The following TUB variants were observed in gnomAD, a reference collection of about 807,000 sequenced individuals.
TUB encodes TUB bipartite transcription factor.
A neutral mutation model predicts 59.7 loss-of-function variants in TUB; 33 were observed. The observed-to-expected ratio is 0.55, with a 90% CI of 0.42 to 0.74. The LOEUF (loss-of-function observed/expected upper bound fraction) is 0.74. Ranked by LOEUF, TUB falls within the 30% of genes least tolerant of loss-of-function variation. The probability of loss-of-function intolerance (pLI) is 0.00; values close to 1 mark genes in which losing one functional copy is unlikely to be tolerated. For missense variants in TUB, 659 were observed against 672.0 expected (o/e 0.98, Z 0.21); for synonymous variants, 293 against 256.4 (o/e 1.14, Z -1.36).
chr11:8,089,413 A>G (rs907352524), intron 1 of TUB, among the ~76,000 whole-genome samples, 197 bp from the exon 2 acceptor site: 1 of 152,188 alleles, frequency 6.6e-6, no homozygotes. Flanking sequence ...CCAAAGTGGC[A>G]GCTCGAGCCC....
At chr11:8,091,942 T>A (rs935321104) in intron 3 of TUB, among the ~76,000 whole-genome samples, 3 of 152,230 alleles carry the variant, frequency 2.0e-5, no homozygotes, top group Non-Finnish European at 4.4e-5. Flanking sequence ...GCCTGGCACC[T>A]GGGCGAGTGA....
At chr11:8,065,628 G>A (rs1022143646) in intron 2 of TUB, among the ~76,000 whole-genome samples, 10 of 152,188 alleles carry the variant, frequency 6.6e-5, no homozygotes, top group African/African-American at 2.4e-4. Flanking sequence ...AGAGTTGAGT[G>A]TATCTGTGGG....
intron 1 of TUB, among the ~76,000 whole-genome samples, chr11:8,023,455 A>C (rs1942459015): frequency 6.6e-6 from 1 of 151,596 alleles, no homozygotes; most frequent in East Asian, 1.9e-4. Context: ...TTTCCAGTTC[A>C]CTCTATTCCA....
intron 3 of TUB, 143 bp downstream of exon 3, chr11:8,090,374 GGAGGGCA>G (rs1169443638): frequency 8.4e-7 from 1 of 1,194,470 alleles, no homozygotes; most frequent in African/African-American, 1.5e-5. Flanking sequence ...AGCTGAGTAG[GGAGGGCA>G]GAGGGAAGGT....
At chr11:8,049,863 T>A (rs968214889) in intron 2 of TUB, among the ~76,000 whole-genome samples, 1 of 152,094 alleles carries the variant, frequency 6.6e-6, no homozygotes, top group African/African-American at 2.4e-5. Context: ...AACATGGAAA[T>A]ACACAAATTA....
chr11:8,064,754 A>T (rs955048694), intron 2 of TUB, among the ~76,000 whole-genome samples: 2 of 152,244 alleles, frequency 1.3e-5, no homozygotes, highest in Admixed American at 1.3e-4. Flanking sequence ...AGACAGGGCC[A>T]CAGGGCCTCC....
chr11:8,039,489 C>G (rs1399859077), intron 1 of TUB: 5 of 598,730 alleles, frequency 8.4e-6, no homozygotes, highest in African/African-American at 5.7e-5. Flanking sequence ...ATGGAAGTCC[C>G]TCTACCCTGA....
At chr11:8,090,364 A>G in intron 3 of TUB, 133 bp downstream of exon 3, 1 of 1,284,706 alleles carries the variant, frequency 7.8e-7, no homozygotes, top group East Asian at 2.6e-5. Context: ...CCAGGCAGAC[A>G]GCTGAGTAGG....
intron 4 of TUB, among the ~76,000 whole-genome samples, chr11:8,095,171 G>GA (rs1289049994): frequency 1.3e-5 from 2 of 152,166 alleles, no homozygotes; most frequent in Non-Finnish European, 2.9e-5. Context: ...CTATGGTCTG[G>GA]ATCAGTCCTT....
At chr11:8,038,817 T>A in exon 1 of TUB, 2 of 1,587,682 alleles carry the variant, frequency 1.3e-6, no homozygotes, top group African/African-American at 1.4e-5. Context: ...GCTCCAGGTC[T>A]TACTATGCAG....
intron 6 of TUB, 93 bp from the exon 7 acceptor site, chr11:8,097,135 C>A (rs1224514226): frequency 7.1e-6 from 10 of 1,415,140 alleles, no homozygotes; most frequent in Non-Finnish European, 9.8e-6. Flanking sequence ...CTCTCTCCCA[C>A]CGCCACGTTA....
intron 2 of TUB, among the ~76,000 whole-genome samples, chr11:8,065,431 C>G (rs1943221177): frequency 6.6e-6 from 1 of 152,154 alleles, no homozygotes; most frequent in Non-Finnish European, 1.5e-5. Context: ...TCAGGTAGAC[C>G]TATACCTTAC....
upstream of TUB, among the ~76,000 whole-genome samples, chr11:8,080,759 C>A (rs535070419): frequency 6.6e-6 from 1 of 152,304 alleles, no homozygotes; most frequent in South Asian, 2.1e-4. Context: ...AGAGGGTTCC[C>A]CAGGCGGGGG....
chr11:8,075,388 T>C (rs1943433136), intron 2 of TUB, among the ~76,000 whole-genome samples: 1 of 152,230 alleles, frequency 6.6e-6, no homozygotes, highest in Non-Finnish European at 1.5e-5. Context: ...CTTATCAGTG[T>C]GACTTTCAGC....
intron 2 of TUB, chr11:8,059,986 G>C (rs939135884): frequency 3.3e-5 from 5 of 152,732 alleles, no homozygotes; most frequent in African/African-American, 1.2e-4. Flanking sequence ...AGGAGGGTTA[G>C]GGTGGGGCCT....
At chr11:8,063,453 C>T (rs1287273719) in intron 2 of TUB, among the ~76,000 whole-genome samples, 1 of 152,194 alleles carries the variant, frequency 6.6e-6, no homozygotes, top group African/African-American at 2.4e-5. Flanking sequence ...ATGGTTGAAG[C>T]TGGAGTCAGG....
rs1944311311 is a variant in TUB at position 8,101,624 on chromosome 11, C to T, written c.*5C>T. 1.9e-6 allele frequency: 3 copies of T among 1,614,104 alleles called. No individual in the cohort carries two copies. The highest frequency in any genetic ancestry group is 2.5e-6 in the Non-Finnish European group (3 of 1,179,968). On this transcript the variant is annotated 3_prime_UTR_variant, in exon 12 of 12. Transcript: ENST00000299506. Reference sequence around the variant, plus strand: ...AGCAAGCTGGCGTGCGAGTAGAGGCCTCTTCGTGCCCTTTGGGGTTGCCCA... The same window carrying T: ...AGCAAGCTGGCGTGCGAGTAGAGGCTTCTTCGTGCCCTTTGGGGTTGCCCA...
intron 1 of TUB, among the ~76,000 whole-genome samples, chr11:8,084,726 C>T (rs562002363): frequency 6.6e-6 from 1 of 152,312 alleles, no homozygotes; most frequent in East Asian, 1.9e-4. Context: ...CCCGGGATAG[C>T]CTCTAGGGCT....
At chr11:8,074,456 G>A (rs1369296503) in intron 2 of TUB, among the ~76,000 whole-genome samples, 1 of 152,126 alleles carries the variant, frequency 6.6e-6, no homozygotes, top group Non-Finnish European at 1.5e-5. Context: ...TTCTCTATAA[G>A]GCTGGGTGCG....
Sources: gnomAD v4.1 joint callset for allele counts (sites outside exome capture counted in the v4.1 genomes callset) on GRCh38, gnomAD v4.1.1 for gene constraint, MANE v1.5 for transcripts, NCBI Gene and HGNC (gene_info 2026-07-23, HGNC 2026-07-21) for gene names.